Variants in PCDHA3 observed in about 807,000 individuals in gnomAD.
PCDHA3 encodes the protein protocadherin alpha 3, also known as protocadherin alpha-3.
A neutral mutation model predicts 62.2 loss-of-function variants in PCDHA3; 41 were observed. The observed-to-expected ratio is 0.66, with a 90% CI of 0.51 to 0.86. The LOEUF is 0.86. Ranked by LOEUF, PCDHA3 falls within the 40% of genes least tolerant of loss-of-function variation. The pLI is 0.00. For missense variants in PCDHA3, 1,304 were observed against 1,241.2 expected (o/e 1.05, Z -0.76); for synonymous variants, 640 against 555.4 (o/e 1.15, Z -2.14).
intron 1 of PCDHA3, chr5:140,803,799 T>C (rs1763283196): frequency 2.5e-6 from 2 of 793,254 alleles, no homozygotes; most frequent in Non-Finnish European, 3.9e-6. Flanking sequence ...TATCCACACT[T>C]GTAATTTTGT....
At position 140,802,942 on chromosome 5, in the gene PCDHA3, C is replaced by G. The variant is rs1187038094; in HGVS notation, c.1745C>G (p.Pro582Arg). The G allele has an allele frequency of 5.6e-6, 9 of 1,613,842 alleles. 1 individual carries two copies. In the East Asian group the frequency reaches 1.6e-4, roughly 28 times the overall value. Residue 582 changes from proline (P) to arginine (R), a missense_variant, in exon 1 of 4, where the codon CCG (proline) becomes CGG (arginine). Transcript: ENST00000522353. ...GGTGGCGCAGTGAGCGAGCTGGTGC[C>G]GCGGTCAGTGGGTGCGGGCCACGTG... Reference protein sequence around the residue: ...GIGGAVSELVPRSVGAGHVVA... With the variant: ...GIGGAVSELVRRSVGAGHVVA...
intron 1 of PCDHA3, among the ~76,000 whole-genome samples, chr5:140,838,948 T>C (rs1437181884): frequency 6.6e-6 from 1 of 151,904 alleles, no homozygotes; most frequent in Non-Finnish European, 1.5e-5. Context: ...TAAAATAAAA[T>C]AAAATAAAAA....
At chr5:140,850,761 C>A in intron 1 of PCDHA3, 1 of 1,598,004 alleles carries the variant, frequency 6.3e-7, no homozygotes, top group East Asian at 2.2e-5. Flanking sequence ...GCAGAGGAGG[C>A]AGAGGGTGTG....
intron 1 of PCDHA3, chr5:140,850,124 G>A: frequency 6.3e-7 from 1 of 1,595,944 alleles, no homozygotes; most frequent in Non-Finnish European, 8.6e-7. Context: ...CGGGCGTGCC[G>A]CCTCTGGGCA....
intron 1 of PCDHA3, chr5:140,830,432 A>G (rs1771060362): frequency 7.4e-6 from 12 of 1,613,462 alleles, no homozygotes; most frequent in South Asian, 2.2e-5. Context: ...ACCTTGTCCT[A>G]TTATGATGGG....
intron 1 of PCDHA3, chr5:140,822,097 A>G (rs2150113640): frequency 6.2e-7 from 1 of 1,614,242 alleles, no homozygotes; most frequent in Non-Finnish European, 8.5e-7. Context: ...CCTGGAGGTG[A>G]TCGTGGACAG....
chr5:140,958,084 T>C (rs2095408627), intron 1 of PCDHA3, among the ~76,000 whole-genome samples: 1 of 152,110 alleles, frequency 6.6e-6, no homozygotes, highest in African/African-American at 2.4e-5. Flanking sequence ...AAAAGTAAAG[T>C]TGTACAATAG....
intron 3 of PCDHA3, among the ~76,000 whole-genome samples, chr5:140,995,684 A>T (rs2097694657): frequency 6.6e-6 from 1 of 152,144 alleles, no homozygotes; most frequent in Non-Finnish European, 1.5e-5. Flanking sequence ...ATTTTTTTTA[A>T]TTGTTAAATA....
Position 140,801,193 on chromosome 5 carries a change from T to C in PCDHA3, c.-5T>C. 1 of 1,586,818 alleles carries C rather than the reference T, an allele frequency of 6.3e-7. No individual in the cohort carries two copies. The highest frequency in any genetic ancestry group is 8.6e-7 in the Non-Finnish European group (1 of 1,167,338). ...AGGCAATCTAATATTTGGAAAATAC[T>C]TGCAATGTTGTTCTCCTGGCGAGAA... On this transcript the variant is annotated 5_prime_UTR_variant, in exon 1 of 4. Transcript: ENST00000522353.
At chr5:140,809,830 GT>G in intron 1 of PCDHA3, 1 of 354,942 alleles carries the variant, frequency 2.8e-6, no homozygotes. Context: ...CACCCTCTTT[GT>G]TTTTGGTAAT....
intron 1 of PCDHA3, chr5:140,822,130 G>A (rs1554128458): frequency 6.2e-7 from 1 of 1,614,268 alleles, no homozygotes; most frequent in Non-Finnish European, 8.5e-7. Flanking sequence ...TTTCCATGTG[G>A]AGGTGGCAGT....
intron 2 of PCDHA3, among the ~76,000 whole-genome samples, chr5:140,982,130 G>A (rs1298475758): frequency 6.6e-6 from 1 of 152,228 alleles, no homozygotes; most frequent in African/African-American, 2.4e-5. Context: ...TTGAGAACAA[G>A]CCCTCCTCAT....
chr5:140,914,944 CTTT>C (rs35695909), intron 1 of PCDHA3, among the ~76,000 whole-genome samples: 73 of 128,234 alleles, frequency 5.7e-4, no homozygotes, highest in African/African-American at 1.8e-3. Flanking sequence ...GAAAAGTTGT[CTTT>C]TTTTTTTTTT....
At position 140,961,643 on chromosome 5, in the gene PCDHA3, A is replaced by G. The variant is rs533824470; in HGVS notation, c.2395-17306A>G. Reference sequence around the variant, plus strand: ...CCATATGAAAAACAATCTTAAGTCTATGTGGTTAGTTTGAAGTTACCAGTT... The same window carrying G: ...CCATATGAAAAACAATCTTAAGTCTGTGTGGTTAGTTTGAAGTTACCAGTT... On this transcript the variant is annotated intron_variant, in intron 1 of 3. Coordinates refer to ENST00000522353, the MANE Select transcript of PCDHA3 (RefSeq NM_018906.3). Among the ~76,000 whole-genome samples the G allele has an allele frequency of 7.2e-5, 11 of 152,324 alleles. No homozygotes were observed. The East Asian group carries it at 1.9e-3, about 27-fold the overall frequency.
chr5:140,877,155 C>A, intron 1 of PCDHA3: 1 of 1,613,798 alleles, frequency 6.2e-7, no homozygotes, highest in Non-Finnish European at 8.5e-7. Context: ...AGAACGACAA[C>A]GCGCCGGCAC....
Position 140,855,947 on chromosome 5 carries a change from T to A in PCDHA3, c.2394+52356T>A. On this transcript the variant is annotated intron_variant, in intron 1 of 3. Transcript: ENST00000522353. Reference sequence around the variant, plus strand: ...TAGCGTCATTCTGAGATCTCAGCCATTTCGATAAAAAATAGATATAAGAAA... The same window carrying A: ...TAGCGTCATTCTGAGATCTCAGCCAATTCGATAAAAAATAGATATAAGAAA... 2.9e-6 allele frequency: 4 copies of A among 1,358,712 alleles called. No homozygotes were observed. In the Admixed American group the frequency reaches 7.1e-5, roughly 24 times the overall value. The allele number at this position is 1,358,712 out of a possible 1,614,324, so 84.2% of individuals were successfully genotyped here. A position where few individuals can be genotyped will look rare whatever the true frequency, so the allele number is the denominator to read the frequency against.
At chr5:140,943,349 T>C (rs1429038452) in intron 1 of PCDHA3, among the ~76,000 whole-genome samples, 1 of 147,572 alleles carries the variant, frequency 6.8e-6, no homozygotes, top group East Asian at 2.0e-4. Flanking sequence ...AGGATGAGAG[T>C]AGAGGAAAGG....
chr5:140,884,346 T>G (rs1487079029), intron 1 of PCDHA3: 1 of 1,613,896 alleles, frequency 6.2e-7, no homozygotes, highest in Non-Finnish European at 8.5e-7. Flanking sequence ...GAAGCGGCGC[T>G]GGTGGATGTC....
Position 140,824,018 on chromosome 5 carries a change from C to G in PCDHA3, c.2394+20427C>G, listed in dbSNP as rs2150131575. ...TGCTCCAGCGCGGTGGGGAGCTGGT[C>G]GTACTCGCAGCAGAGGAGACAGAGG... On this transcript the variant is annotated intron_variant, in intron 1 of 3. Transcript: ENST00000522353. The G allele has an allele frequency of 2.5e-6, 4 of 1,614,112 alleles. No homozygotes were observed. In the South Asian group the frequency reaches 3.3e-5, roughly 13 times the overall value.
Sources: gnomAD v4.1 joint callset for allele counts (sites outside exome capture counted in the v4.1 genomes callset) on GRCh38, gnomAD v4.1.1 for gene constraint, MANE v1.5 for transcripts, NCBI Gene and HGNC (gene_info 2026-07-23, HGNC 2026-07-21) for gene names.